The following TMEM163 variants were observed in gnomAD, a reference collection of about 807,000 sequenced individuals.
TMEM163 encodes the protein transmembrane protein 163.
In TMEM163, 17 loss-of-function variants were observed where a neutral mutation model predicts 29.3. The observed-to-expected ratio is 0.58, with a 90% CI of 0.40 to 0.87. The LOEUF (loss-of-function observed/expected upper bound fraction) is 0.87. Ranked by LOEUF, TMEM163 falls within the 40% of genes least tolerant of loss-of-function variation. The pLI is 0.00. For missense variants in TMEM163, 303 were observed against 381.5 expected (o/e 0.79, Z 1.71); for synonymous variants, 157 against 160.6 (o/e 0.98, Z 0.17).
intron 4 of TMEM163, among the ~76,000 whole-genome samples, chr2:134,519,889 CA>C (rs552174731): frequency 0.13 from 12,270 of 96,102 alleles, 1,104 homozygotes; most frequent in East Asian, 0.37. Context: ...GACCCCACCT[CA>C]AAAAAAAAAA....
chr2:134,564,459 A>C (rs1223724340), intron 2 of TMEM163, among the ~76,000 whole-genome samples: 2 of 152,322 alleles, frequency 1.3e-5, no homozygotes, highest in East Asian at 3.9e-4. Context: ...GAGTTTCATA[A>C]TCTTGGGGAA....
intron 2 of TMEM163, among the ~76,000 whole-genome samples, chr2:134,617,166 GA>G (rs1682625328): frequency 6.6e-6 from 1 of 152,060 alleles, no homozygotes; most frequent in African/African-American, 2.4e-5. Flanking sequence ...ATTATACAAT[GA>G]AAAAAGAAAC....
At chr2:134,631,295 CA>C (rs1418034056) in intron 2 of TMEM163, among the ~76,000 whole-genome samples, 1 of 152,192 alleles carries the variant, frequency 6.6e-6, no homozygotes, top group African/African-American at 2.4e-5. Flanking sequence ...CTTCAGTTTT[CA>C]GCTCAACTTT....
chr2:134,718,065 C>T (rs1321441924), intron 1 of TMEM163, among the ~76,000 whole-genome samples: 1 of 152,226 alleles, frequency 6.6e-6, no homozygotes, highest in Non-Finnish European at 1.5e-5. Context: ...GTTTCAGTGG[C>T]ATCCATCCAG....
At chr2:134,522,331 A>T (rs1055422074) in intron 4 of TMEM163, among the ~76,000 whole-genome samples, 1 of 152,210 alleles carries the variant, frequency 6.6e-6, no homozygotes, top group Non-Finnish European at 1.5e-5. Flanking sequence ...CATAAAACAC[A>T]CTGGCTGAAT....
rs1395757102 is a variant in TMEM163, at chr2:134,674,502, CGCGCGCGCTACCATATCT to C, written c.322+38680_322+38697del. On this transcript the variant is annotated intron_variant, in intron 2 of 7. Transcript: ENST00000281924. ...GGGACTACAGGCGCGCGCGCGCGCGCGCGCGCGCTACCATATCTGGCTAATTTTTTGTATTTTAGTGGA... is the reference window on the plus strand; with the variant it reads ...GGGACTACAGGCGCGCGCGCGCGCGCGGCTAATTTTTTGTATTTTAGTGGA... 5.6e-3 allele frequency among the ~76,000 whole-genome samples: 479 copies of C among 84,882 alleles called. 7 individuals are homozygous for C. Among genetic ancestry groups the C allele is most frequent in the African/African-American group, 0.025 (435 of 17,350 alleles). 55.7% of individuals were successfully genotyped at this position (84,882 alleles called of 152,430 possible).
intron 2 of TMEM163, among the ~76,000 whole-genome samples, chr2:134,705,511 G>C (rs1158333172): frequency 6.6e-6 from 1 of 152,168 alleles, no homozygotes; most frequent in Non-Finnish European, 1.5e-5. Context: ...TCGCCAATGG[G>C]AAGGAGGCAT....
At chr2:134,477,913 T>C (rs1686956496) in intron 5 of TMEM163, among the ~76,000 whole-genome samples, 1 of 152,228 alleles carries the variant, frequency 6.6e-6, no homozygotes, top group Non-Finnish European at 1.5e-5. Context: ...TGTTGAAATG[T>C]GATTCCAAAT....
chr2:134,571,479 A>T (rs889171133), intron 2 of TMEM163, among the ~76,000 whole-genome samples: 1 of 152,174 alleles, frequency 6.6e-6, no homozygotes, highest in Admixed American at 6.5e-5. Flanking sequence ...CGAAAAAAAA[A>T]ATCTAAAGCA....
chr2:134,595,826 T>C (rs554950281), intron 2 of TMEM163, among the ~76,000 whole-genome samples: 3 of 152,354 alleles, frequency 2.0e-5, no homozygotes, highest in East Asian at 3.9e-4. Context: ...TGTGAGATAG[T>C]AACTCATTGT....
chr2:134,503,096 C>T (rs1412021154), intron 4 of TMEM163, 99 bp from the exon 5 acceptor site: 1 of 1,230,288 alleles, frequency 8.1e-7, no homozygotes, highest in African/African-American at 1.5e-5. Context: ...TGGGAATGAA[C>T]TCAATTGTAA....
chr2:134,618,007 A>G (rs1282906879), intron 2 of TMEM163, among the ~76,000 whole-genome samples: 6 of 152,082 alleles, frequency 3.9e-5, no homozygotes, highest in Non-Finnish European at 8.8e-5. Context: ...CTAGCTGCTT[A>G]GAAGGCTGAT....
intron 2 of TMEM163, among the ~76,000 whole-genome samples, chr2:134,625,685 C>T (rs1682833739): frequency 6.6e-6 from 1 of 152,184 alleles, no homozygotes; most frequent in African/African-American, 2.4e-5. Flanking sequence ...TGAAAAGATA[C>T]AGCATTGCCT....
rs111687987 is a variant in TMEM163, at chr2:134,710,535, C to T, written c.322+2665G>A. Among the ~76,000 whole-genome samples the T allele has an allele frequency of 4.8e-3, 730 of 152,034 alleles. 4 individuals carry two copies. The highest frequency in any genetic ancestry group is 0.016 in the African/African-American group (676 of 41,440). On this transcript the variant is annotated intron_variant, in intron 2 of 7. Transcript: ENST00000281924. ...ATGGCCATAGGATGACCCAACTGCCCCCCAAAATTGTAATTGTTTATAAAA... is the reference window on the plus strand; with the variant it reads ...ATGGCCATAGGATGACCCAACTGCCTCCCAAAATTGTAATTGTTTATAAAA...
chr2:134,656,289 C>T (rs1272496123), intron 2 of TMEM163, among the ~76,000 whole-genome samples: 3 of 151,202 alleles, frequency 2.0e-5, no homozygotes, highest in African/African-American at 4.9e-5. Flanking sequence ...GCGCAATATT[C>T]GGGTGGGAGT....
intron 2 of TMEM163, among the ~76,000 whole-genome samples, chr2:134,665,660 T>A (rs1488254906): frequency 6.6e-6 from 1 of 152,112 alleles, no homozygotes; most frequent in Non-Finnish European, 1.5e-5. Flanking sequence ...ACCACCCCCT[T>A]CACTTTAACT....
chr2:134,602,044 T>TA lies in TMEM163; in HGVS notation c.323-49954dup, dbSNP rs571248390. On this transcript the variant is annotated intron_variant, in intron 2 of 7. Coordinates refer to ENST00000281924, the MANE Select transcript of TMEM163 (RefSeq NM_030923.5). ...CAAACTTGTCCTTCAAGGAGAAAAT[T>TA]AAAATGTCACCTGCAGCTGAAAGCA... Among the ~76,000 whole-genome samples, 185 of 152,224 alleles carry TA rather than the reference T, an allele frequency of 1.2e-3. 1 individual carries two copies. The highest frequency in any genetic ancestry group is 4.4e-3 in the African/African-American group (181 of 41,530).
intron 2 of TMEM163, among the ~76,000 whole-genome samples, chr2:134,650,574 A>C (rs1683451140): frequency 7.0e-6 from 1 of 142,992 alleles, no homozygotes; most frequent in East Asian, 2.0e-4. Context: ...GTTTTAGGGT[A>C]CATGTGCACA....
chr2:134,713,385 C>T (rs999967786), intron 1 of TMEM163, 66 bp from the exon 2 acceptor site: 35 of 1,600,148 alleles, frequency 2.2e-5, no homozygotes, highest in Non-Finnish European at 2.8e-5. Context: ...GCGAGAGCTA[C>T]AATTTCTTAC....
Sources: gnomAD v4.1 joint callset for allele counts (sites outside exome capture counted in the v4.1 genomes callset) on GRCh38, gnomAD v4.1.1 for gene constraint, MANE v1.5 for transcripts, NCBI Gene and HGNC (gene_info 2026-07-23, HGNC 2026-07-21) for gene names.